Variants in PGM2L1 observed in about 807,000 individuals in gnomAD.
The protein encoded by PGM2L1 is glucose 1,6-bisphosphate synthase.
Under a neutral mutation model 73.4 loss-of-function variants are expected in PGM2L1, and 35 were observed. That is an observed-to-expected ratio of 0.48 (90% CI 0.36 to 0.63). The LOEUF (loss-of-function observed/expected upper bound fraction) is 0.63, where lower values mean the gene tolerates loss of function less well. Among genes scored for constraint, PGM2L1 ranks in the 30% least tolerant of loss-of-function variants. The pLI is 0.00. For missense variants in PGM2L1, 570 were observed against 742.0 expected (o/e 0.77, Z 2.69); for synonymous variants, 225 against 253.8 (o/e 0.89, Z 1.08).
intron 2 of PGM2L1, among the ~76,000 whole-genome samples, chr11:74,373,130 T>C (rs745609071): frequency 3.9e-5 from 6 of 152,204 alleles, no homozygotes; most frequent in Non-Finnish European, 7.3e-5. Flanking sequence ...CTTCACACCA[T>C]GGAATCCCAA....
intron 1 of PGM2L1, among the ~76,000 whole-genome samples, chr11:74,391,112 C>T (rs1404361766): frequency 6.6e-6 from 1 of 152,134 alleles, no homozygotes; most frequent in Admixed American, 6.5e-5. Context: ...ACTTAACTTA[C>T]TCAGCTTTGT....
chr11:74,369,474 G>C (rs1862716713), intron 4 of PGM2L1, among the ~76,000 whole-genome samples: 1 of 152,138 alleles, frequency 6.6e-6, no homozygotes, highest in Non-Finnish European at 1.5e-5. Context: ...GTAGTGAAGG[G>C]GAACACATGG....
At chr11:74,364,311 G>A (rs1862616951) in intron 5 of PGM2L1, among the ~76,000 whole-genome samples, 1 of 152,178 alleles carries the variant, frequency 6.6e-6, no homozygotes, top group South Asian at 2.1e-4. Context: ...GCACAAGACA[G>A]GGATGCTCTC....
chr11:74,379,475 C>T (rs1168601616), intron 1 of PGM2L1, among the ~76,000 whole-genome samples: 1 of 152,100 alleles, frequency 6.6e-6, no homozygotes, highest in Non-Finnish European at 1.5e-5. Context: ...TCCTACTTAT[C>T]TTATAAACCT....
At position 74,336,253 on chromosome 11, in the gene PGM2L1, C is replaced by A. The variant is rs1591161538; in HGVS notation, c.*399G>T. 1 of 152,492 alleles carries A rather than the reference C, an allele frequency of 6.6e-6. No homozygotes were observed. The highest frequency in any genetic ancestry group is 1.5e-5 in the Non-Finnish European group (1 of 68,404). The allele number at this position is 152,492 out of a possible 1,614,324, so 9.4% of individuals were successfully genotyped here. A position where few individuals can be genotyped will look rare whatever the true frequency, so the allele number is the denominator to read the frequency against. The stretch of plus-strand genomic sequence containing the variant: ...GGACTAATTTCCTTAACTAACCCTA[C>A]AATTATATAACATTTACCTGTCTTT... On this transcript the variant is annotated 3_prime_UTR_variant, in exon 14 of 14. Transcript: ENST00000298198.
Position 74,330,686 on chromosome 11 carries a change from A to G in PGM2L1, c.*5966T>C, listed in dbSNP as rs527954215. 2 of 152,774 alleles carry G rather than the reference A, an allele frequency of 1.3e-5. No individual in the cohort carries two copies. Among genetic ancestry groups the G allele is most frequent in the Non-Finnish European group, 2.9e-5 (2 of 68,034 alleles). The allele number at this position is 152,774 out of a possible 1,614,324, so 9.5% of individuals were successfully genotyped here. A position where few individuals can be genotyped will look rare whatever the true frequency, so the allele number is the denominator to read the frequency against. On this transcript the variant is annotated 3_prime_UTR_variant, in exon 14 of 14. Coordinates refer to ENST00000298198, the MANE Select transcript of PGM2L1 (RefSeq NM_173582.6). ...TGATGAATCATAACAGTGGACAAAAACATACCAAATAGGATCAAATTTGTT... is the reference window on the plus strand; with the variant it reads ...TGATGAATCATAACAGTGGACAAAAGCATACCAAATAGGATCAAATTTGTT...
At chr11:74,366,423 A>T (rs1195315285) in intron 5 of PGM2L1, among the ~76,000 whole-genome samples, 1 of 149,954 alleles carries the variant, frequency 6.7e-6, no homozygotes, top group East Asian at 2.0e-4. Flanking sequence ...ATACCACTGT[A>T]CTCCAGCCTG....
Position 74,347,283 on chromosome 11 carries a change from G to T in PGM2L1, c.804C>A (p.Val268=). 6.2e-7 allele frequency: 1 copy of T among 1,610,576 alleles called. No homozygotes were observed. The highest frequency in any genetic ancestry group is 1.1e-5 in the South Asian group (1 of 90,094). Residue 268 remains valine (V), a synonymous_variant, in exon 7 of 14, where the codon GTC becomes GTA. Coordinates refer to ENST00000298198, the MANE Select transcript of PGM2L1 (RefSeq NM_173582.6). ...AAGCCAACTGCACATAGTCATGTCC[G>T]ACCCCATGAAAAGATGTGTGCACAA... is the stretch of plus-strand genomic sequence containing the variant. The part of the protein sequence containing the change: ...LKFVHTSFHG[V]GHDYVQLAFK...
chr11:74,351,410 T>G lies in PGM2L1; in HGVS notation c.722A>C (p.Glu241Ala). ...PLQDICRRYM[E>A]DLKKICFYRE... ...GTAAAAACAGATCTTTTTCAGATCT[T>G]CCATGTATCTCCTGCAAATGTCCTG... is the stretch of plus-strand genomic sequence containing the variant. The change falls in exon 6 of 14, where the codon GAA (glutamate) becomes GCA (alanine). Residue 241 changes from glutamate to alanine, a missense_variant. Physicochemically the swap from Glu to Ala is moderately radical, Grantham distance 107. Coordinates refer to ENST00000298198, the MANE Select transcript of PGM2L1 (RefSeq NM_173582.6). 2 of 1,613,732 alleles carry G rather than the reference T, an allele frequency of 1.2e-6. No homozygotes were observed. Among genetic ancestry groups the G allele is most frequent in the Non-Finnish European group, 1.7e-6 (2 of 1,179,922 alleles).
chr11:74,367,056 A>T (rs496686), intron 5 of PGM2L1, among the ~76,000 whole-genome samples: 2,983 of 152,292 alleles, frequency 0.02, 106 homozygotes, highest in African/African-American at 0.068. Context: ...TTTTAGACAT[A>T]GCATCTGTAG....
chr11:74,342,448 A>AG lies in PGM2L1; in HGVS notation c.1632+12_1632+13insC. Reference sequence around the variant, plus strand: ...ATTTTCTAAATTGTTTGGAAAAAAAAAAAGGTACTTACTGATTTCTTATTA... The same window carrying AG: ...ATTTTCTAAATTGTTTGGAAAAAAAAGAAAGGTACTTACTGATTTCTTATTA... On this transcript the variant is annotated intron_variant, in intron 12 of 13. Coordinates refer to ENST00000298198, the MANE Select transcript of PGM2L1 (RefSeq NM_173582.6). 7.1e-7 allele frequency: 1 copy of AG among 1,402,204 alleles called. No homozygotes were observed. Among genetic ancestry groups the AG allele is most frequent in the East Asian group, 2.6e-5 (1 of 38,076 alleles). 86.9% of individuals were successfully genotyped at this position (1,402,204 alleles called of 1,614,324 possible).
At chr11:74,362,365 G>T (rs890539719) in intron 5 of PGM2L1, among the ~76,000 whole-genome samples, 1 of 152,084 alleles carries the variant, frequency 6.6e-6, no homozygotes, top group South Asian at 2.1e-4. Flanking sequence ...TCACCACCAG[G>T]CCTGCCCTAC....
chr11:74,363,229 C>G (rs1335479885), intron 5 of PGM2L1, among the ~76,000 whole-genome samples: 1 of 152,184 alleles, frequency 6.6e-6, no homozygotes, highest in Non-Finnish European at 1.5e-5. Context: ...CTCTGGGACA[C>G]ATTTAAAGCA....
rs1861997486 is a variant in PGM2L1 at position 74,330,657 on chromosome 11, T to C, written c.*5995A>G. On this transcript the variant is annotated 3_prime_UTR_variant, in exon 14 of 14. Transcript: ENST00000298198. The stretch of plus-strand genomic sequence containing the variant: ...TCTTGCTTGAGTGGCTCTTGTAAGA[T>C]ACATGATGAATCATAACAGTGGACA... 6.6e-6 allele frequency: 1 copy of C among 152,594 alleles called. No homozygotes were observed. The highest frequency in any genetic ancestry group is 2.1e-4 in the South Asian group (1 of 4,818). 9.5% of individuals were successfully genotyped at this position (152,594 alleles called of 1,614,324 possible).
At chr11:74,350,919 AAGAGAG>A (rs373985712) in intron 6 of PGM2L1, among the ~76,000 whole-genome samples, 3 of 135,462 alleles carry the variant, frequency 2.2e-5, no homozygotes, top group South Asian at 2.3e-4. Context: ...GAGAGAGAGA[AAGAGAG>A]AGAGAGAGAG....
chr11:74,336,413 AGT>A lies in PGM2L1; in HGVS notation c.*237_*238del, dbSNP rs1175748868. The A allele has an allele frequency of 1.0e-5, 3 of 293,414 alleles. No individual in the cohort carries two copies. The Admixed American group carries it at 1.4e-4, about 14-fold the overall frequency. The allele number at this position is 293,414 out of a possible 1,614,324, so 18.2% of individuals were successfully genotyped here. A position where few individuals can be genotyped will look rare whatever the true frequency, so the allele number is the denominator to read the frequency against. ...GACAATACGTTACTATAATACTTTT[AGT>A]GTAATAACTTTTGTTTGAATTATGA... On this transcript the variant is annotated 3_prime_UTR_variant, in exon 14 of 14. Transcript: ENST00000298198.
intron 1 of PGM2L1, among the ~76,000 whole-genome samples, chr11:74,389,991 C>T (rs1463461107): frequency 2.3e-5 from 3 of 128,772 alleles, no homozygotes; most frequent in East Asian, 4.5e-4. Context: ...TGGTGACGGG[C>T]GCCTGTAGTC....
In PGM2L1 at chr11:74,351,561, C is replaced by G. The variant is rs762051531; in HGVS notation, c.571G>C (p.Gly191Arg). The G allele has an allele frequency of 1.2e-6, 2 of 1,601,268 alleles. No individual in the cohort carries two copies. The highest frequency in any genetic ancestry group is 1.7e-6 in the Non-Finnish European group (2 of 1,175,356). Residue 191 changes from glycine (G) to arginine (R), a missense_variant, in exon 6 of 14, where the codon GGT (glycine) becomes CGT (arginine). Transcript: ENST00000298198. ...DNGYKVYWET[G>R]AQITSPHDKE... The stretch of plus-strand genomic sequence containing the variant: ...TCATGAGGAGATGTGATCTGAGCAC[C>G]AGTTTCCCAGTAAACCTAGATGATA...
At chr11:74,389,052 AAAGG>A (rs1196728339) in intron 1 of PGM2L1, among the ~76,000 whole-genome samples, 6 of 152,188 alleles carry the variant, frequency 3.9e-5, no homozygotes, top group Admixed American at 3.3e-4. Flanking sequence ...TGTCTCTCCA[AAAGG>A]AAGGATGAAA....
Sources: allele counts gnomAD v4.1 joint callset (sites outside exome capture counted in the v4.1 genomes callset), GRCh38; gene constraint gnomAD v4.1.1; transcripts MANE v1.5; gene names NCBI Gene and HGNC (gene_info 2026-07-23, HGNC 2026-07-21).